EFHC2: variants seen among roughly 807,000 people sequenced by gnomAD.
The protein encoded by EFHC2 is EF-hand domain containing 2.
EFHC2 carries 18 observed loss-of-function variants against 52.7 expected under a neutral mutation model. The observed-to-expected ratio is 0.34, with a 90% CI of 0.24 to 0.51. The LOEUF (loss-of-function observed/expected upper bound fraction) is 0.51. Among genes scored for constraint, EFHC2 ranks in the 20% least tolerant of loss-of-function variants. EFHC2 has a pLI of 0.97. For synonymous variants in EFHC2, 203 were observed against 204.1 expected, an observed-to-expected ratio of 0.99 and a Z score of 0.04; for missense variants, 513 against 562.5, an observed-to-expected ratio of 0.91 and a Z score of 0.89.
At chrX:44,213,745 G>T (rs2037120909) in intron 11 of EFHC2, among the ~76,000 whole-genome samples, 1 of 111,551 alleles carries the variant, frequency 9.0e-6, no homozygotes, top group South Asian at 3.8e-4. Flanking sequence ...TTTCTCATCA[G>T]ACTTGAAGAG....
intron 9 of EFHC2, among the ~76,000 whole-genome samples, chrX:44,234,184 A>G (rs2037300268): frequency 9.0e-6 from 1 of 111,640 alleles, no homozygotes; most frequent in Admixed American, 9.5e-5. Flanking sequence ...CTAACCTCAT[A>G]AAGTCCTTGT....
intron 2 of EFHC2, among the ~76,000 whole-genome samples, chrX:44,296,691 A>C (rs1284685526): frequency 8.9e-6 from 1 of 112,148 alleles, no homozygotes; most frequent in Non-Finnish European, 1.9e-5. Flanking sequence ...AAATAATTTA[A>C]AAGGTAGTTA....
chrX:44,249,048 T>G (rs1023048949), intron 5 of EFHC2, 132 bp from the exon 6 acceptor site: 1 of 391,295 alleles, frequency 2.6e-6, no homozygotes, highest in Non-Finnish European at 4.4e-6. Context: ...AATTAACTAA[T>G]GTTGGCACAC....
At chrX:44,157,779 C>G (rs757440813) in intron 14 of EFHC2, among the ~76,000 whole-genome samples, 40 of 102,992 alleles carry the variant, frequency 3.9e-4, no homozygotes, top group Non-Finnish European at 6.7e-4. Context: ...CCTACCCACC[C>G]CGTCAACAGT....
chrX:44,216,638 G>C (rs1016296235), intron 11 of EFHC2, among the ~76,000 whole-genome samples: 4 of 111,452 alleles, frequency 3.6e-5, no homozygotes, highest in Non-Finnish European at 7.5e-5. Context: ...TCAATAAATG[G>C]TGCTAGGAAA....
chrX:44,338,409 G>A lies in EFHC2; in HGVS notation c.42+5138C>T, dbSNP rs755273850. On this transcript the variant is annotated intron_variant, in intron 1 of 14. Coordinates refer to ENST00000420999, the MANE Select transcript of EFHC2 (RefSeq NM_025184.4). ...CTAGCTACTGTGGCAACAGAGGTGG[G>A]AGGATGTCTTGAGCCCGAGAGGTTG... 1.4e-3 allele frequency among the ~76,000 whole-genome samples: 152 copies of A among 110,574 alleles called. 1 individual carries two copies. Among genetic ancestry groups the A allele is most frequent in the African/African-American group, 3.5e-3 (106 of 30,356 alleles).
At chrX:44,213,395 C>A (rs1476457196) in intron 11 of EFHC2, among the ~76,000 whole-genome samples, 2 of 111,415 alleles carry the variant, frequency 1.8e-5, no homozygotes, top group Non-Finnish European at 3.8e-5. Context: ...CGTGACACAG[C>A]CCCCAGGAGA....
intron 12 of EFHC2, 41 bp downstream of exon 12, chrX:44,178,326 C>T (rs746241209): frequency 2.7e-6 from 3 of 1,100,536 alleles, no homozygotes; most frequent in Non-Finnish European, 3.6e-6. Context: ...CTCAGGTTCA[C>T]AGAAATGTAA....
intron 11 of EFHC2, among the ~76,000 whole-genome samples, chrX:44,201,033 C>G (rs1277928450): frequency 8.9e-6 from 1 of 111,827 alleles, no homozygotes; most frequent in African/African-American, 3.2e-5. Flanking sequence ...GTTTATGAAG[C>G]AAGTCTCATT....
chrX:44,343,505 C>A (rs1252541852), intron 1 of EFHC2, 42 bp downstream of exon 1: 1 of 1,173,100 alleles, frequency 8.5e-7, no homozygotes, highest in Non-Finnish European at 1.1e-6. Context: ...GGACCCCAGA[C>A]TCCAGCCGGG....
rs181653991 is a variant in EFHC2, at chrX:44,219,867, C to T, written c.1751+9782G>A. ...TGTGCGCTACTCTATGATTCCAAGCCTCTTGACTTTTGCTCAGAACATTCT... is the reference window on the plus strand; with the variant it reads ...TGTGCGCTACTCTATGATTCCAAGCTTCTTGACTTTTGCTCAGAACATTCT... On this transcript the variant is annotated intron_variant, in intron 11 of 14. Transcript: ENST00000420999. Among the ~76,000 whole-genome samples, 28 of 111,356 alleles carry T rather than the reference C, an allele frequency of 2.5e-4. No individual in the cohort carries two copies. The East Asian group carries it at 6.2e-3, about 25-fold the overall frequency.
chrX:44,315,620 G>A (rs1253108900), intron 1 of EFHC2, among the ~76,000 whole-genome samples: 1 of 111,061 alleles, frequency 9.0e-6, no homozygotes, highest in Non-Finnish European at 1.9e-5. Flanking sequence ...GCTCTGGTAA[G>A]TGTATAGCTA....
At chrX:44,337,501 C>T (rs746896165) in intron 1 of EFHC2, among the ~76,000 whole-genome samples, 1 of 111,573 alleles carries the variant, frequency 9.0e-6, no homozygotes, top group Admixed American at 9.5e-5. Flanking sequence ...GGGTTGATAA[C>T]CCTTTGTGAG....
chrX:44,265,375 G>A (rs1602185676), intron 3 of EFHC2, among the ~76,000 whole-genome samples: 3 of 110,894 alleles, frequency 2.7e-5, no homozygotes, highest in Non-Finnish European at 3.8e-5. Context: ...AGGCTCAAGC[G>A]ATCCTCCCTA....
chrX:44,222,183 C>T (rs2147313518), intron 11 of EFHC2, among the ~76,000 whole-genome samples: 1 of 111,028 alleles, frequency 9.0e-6, no homozygotes, highest in African/African-American at 3.3e-5. Context: ...CCAAGAATTA[C>T]CTAGTCTAGT....
chrX:44,185,163 T>G (rs780060121), intron 11 of EFHC2, among the ~76,000 whole-genome samples: 1 of 112,517 alleles, frequency 8.9e-6, no homozygotes, highest in Non-Finnish European at 1.9e-5. Context: ...TTCTCTTAAG[T>G]AAGTTTACCT....
In EFHC2 at chrX:44,173,345, G is replaced by A. The variant is rs761064272; in HGVS notation, c.2042+2947C>T. Among the ~76,000 whole-genome samples the A allele has an allele frequency of 1.0e-3, 114 of 111,928 alleles. 1 individual carries two copies. The highest frequency in any genetic ancestry group is 1.7e-3 in the Non-Finnish European group (93 of 53,215). On this transcript the variant is annotated intron_variant, in intron 13 of 14. Coordinates refer to ENST00000420999, the MANE Select transcript of EFHC2 (RefSeq NM_025184.4). ...ACGTCAGAGGGGGCTCTGGCTTAGC[G>A]TGCCATAAGGAGGGCTGTGCAGAAA...
chrX:44,251,597 T>TAAAAAAAAAAAAAAA (rs566022760), intron 4 of EFHC2, among the ~76,000 whole-genome samples: 1 of 12,553 alleles, frequency 8.0e-5, no homozygotes, highest in Non-Finnish European at 1.5e-4. Flanking sequence ...CAATACTCTG[T>TAAAAAAAAAAAAAAA]AAAAAAAAAA....
intron 11 of EFHC2, among the ~76,000 whole-genome samples, chrX:44,205,436 C>T (rs1385514465): frequency 2.7e-5 from 3 of 109,354 alleles, no homozygotes; most frequent in Non-Finnish European, 5.7e-5. Context: ...AATACAAGAC[C>T]CAACCTTCTC....
Sources: allele counts gnomAD v4.1 joint callset (sites outside exome capture counted in the v4.1 genomes callset), GRCh38; gene constraint gnomAD v4.1.1; transcripts MANE v1.5; gene names NCBI Gene and HGNC (gene_info 2026-07-23, HGNC 2026-07-21).